Variants in SSBP4 observed in about 807,000 individuals in gnomAD.
The protein encoded by SSBP4 is single stranded DNA binding protein 4, also known as single-stranded DNA-binding protein 4.
In SSBP4, 33 loss-of-function variants were observed where a neutral mutation model predicts 64.6. That is an observed-to-expected ratio of 0.51 (90% confidence interval 0.39 to 0.68). The LOEUF (loss-of-function observed/expected upper bound fraction) is 0.68. Among genes scored for constraint, SSBP4 ranks in the 30% least tolerant of loss-of-function variants. The pLI is 0.00. For missense variants in SSBP4, 583 were observed against 566.8 expected, an observed-to-expected ratio of 1.03 and a Z score of -0.29; for synonymous variants, 243 against 224.0, an observed-to-expected ratio of 1.08 and a Z score of -0.76.
intron 6 of SSBP4, 24 bp downstream of exon 6, chr19:18,431,442 C>T: frequency 7.2e-7 from 1 of 1,384,672 alleles, no homozygotes; most frequent in East Asian, 2.4e-5. Flanking sequence ...GTGCCTGCCC[C>T]TCACACACAC....
exon 1 of SSBP4, chr19:18,419,394 GCGCGTTTCCCGGAACAGCC>G: frequency 9.7e-7 from 1 of 1,032,894 alleles, no homozygotes. Context: ...GGAGGGGAGC[GCGCGTTTCCCGGAACAGCC>G]CGCGCGGAGG....
At chr19:18,413,576 C>T in the SSBP4 span, among the ~76,000 whole-genome samples, 1 of 152,122 alleles carries the variant, frequency 6.6e-6, no homozygotes, top group African/African-American at 2.4e-5. Flanking sequence ...CCCAAGATGG[C>T]ACACTGAGAA....
chr19:18,416,686 C>T (rs1025834236), upstream of SSBP4, among the ~76,000 whole-genome samples: 1 of 152,248 alleles, frequency 6.6e-6, no homozygotes, highest in Non-Finnish European at 1.5e-5. Context: ...CCAGCGCCTT[C>T]GCCGTGTGCC....
upstream of SSBP4, among the ~76,000 whole-genome samples, chr19:18,414,183 T>C (rs1972114157): frequency 6.6e-6 from 1 of 152,166 alleles, no homozygotes; most frequent in African/African-American, 2.4e-5. Context: ...ACCCTCCTCC[T>C]AGACCTGGGA....
chr19:18,413,102 A>AG, the SSBP4 span, among the ~76,000 whole-genome samples: 1 of 138,454 alleles, frequency 7.2e-6, no homozygotes, highest in Non-Finnish European at 1.6e-5. Flanking sequence ...CTCATCTCAG[A>AG]GGGGTCCCAC....
At chr19:18,424,609 T>C (rs1037027313) in intron 1 of SSBP4, among the ~76,000 whole-genome samples, 1 of 58,570 alleles carries the variant, frequency 1.7e-5, no homozygotes, top group African/African-American at 6.6e-5. Flanking sequence ...AACATGGGGG[T>C]GGGGGGAGCA....
chr19:18,414,630 G>A (rs1170143719), upstream of SSBP4, among the ~76,000 whole-genome samples: 1 of 152,216 alleles, frequency 6.6e-6, no homozygotes, highest in African/African-American at 2.4e-5. Flanking sequence ...TCGATGTGTG[G>A]CCGGTGAAAG....
chr19:18,431,912 C>T (rs1013275879), intron 8 of SSBP4, 50 bp downstream of exon 8: 72 of 1,566,006 alleles, frequency 4.6e-5, no homozygotes, highest in Non-Finnish European at 6.0e-5. Flanking sequence ...AGAATTCCAG[C>T]TCTCAGAGCC....
intron 4 of SSBP4, among the ~76,000 whole-genome samples, chr19:18,429,636 C>T (rs552474863): frequency 7.9e-5 from 12 of 151,012 alleles, no homozygotes; most frequent in African/African-American, 1.5e-4. Flanking sequence ...AGGGCAGCTG[C>T]TCCAGGCCAT....
chr19:18,432,343 G>A lies in SSBP4; in HGVS notation c.704+129G>A, dbSNP rs1047027866. ...TATTGTTTATTTCATGGCCACCGTT[G>A]AGGGGAAACTGAGACTTGAAGTAGC... On this transcript the variant is annotated intron_variant, in intron 10 of 17. Transcript: ENST00000270061. The A allele has an allele frequency of 5.9e-6, 8 of 1,355,270 alleles. No homozygotes were observed. The African/African-American group carries it at 1.0e-4, about 17-fold the overall frequency. 84.0% of individuals were successfully genotyped at this position (1,355,270 alleles called of 1,614,324 possible). A position where few individuals can be genotyped will look rare whatever the true frequency, so the allele number is the denominator to read the frequency against.
chr19:18,431,442 C>G, intron 6 of SSBP4, 24 bp downstream of exon 6: 1 of 1,384,672 alleles, frequency 7.2e-7, no homozygotes, highest in Non-Finnish European at 1.0e-6. Context: ...GTGCCTGCCC[C>G]TCACACACAC....
rs1388896184 is a variant in SSBP4, at chr19:18,427,449, C to G, written c.132+26C>G. 6.2e-7 allele frequency: 1 copy of G among 1,605,704 alleles called. No individual in the cohort carries two copies. The highest frequency in any genetic ancestry group is 1.7e-5 in the Admixed American group (1 of 59,812). ...GTAAGCCACCACCTCCAGGCTGGCC[C>G]TCCCTCCTCACCCACACTCCGGGGG... On this transcript the variant is annotated intron_variant, in intron 2 of 17. Coordinates refer to ENST00000270061, the MANE Select transcript of SSBP4 (RefSeq NM_032627.5). This position sits in a 1 kb window ranked among gnomAD's most constrained non-coding sequence, Gnocchi z 4.4.
the SSBP4 span, among the ~76,000 whole-genome samples, chr19:18,409,749 G>A: frequency 6.6e-6 from 1 of 151,898 alleles, no homozygotes; most frequent in African/African-American, 2.4e-5. Context: ...CAAATTGCTG[G>A]CCTCACGTGA....
chr19:18,423,999 G>A lies in SSBP4; in HGVS notation c.60-3352G>A, dbSNP rs1972656842. 6.6e-6 allele frequency among the ~76,000 whole-genome samples: 1 copy of A among 152,220 alleles called. No individual in the cohort carries two copies. The highest frequency in any genetic ancestry group is 2.4e-5 in the African/African-American group (1 of 41,450). On this transcript the variant is annotated intron_variant, in intron 1 of 17. Transcript: ENST00000270061. The surrounding 1 kb of genome is among the most constrained non-coding windows in gnomAD (Gnocchi z 4.0). ...CCCGGAGCAGTCCTCTGGGAGGGGAGGACCTTGTAGGTCCCAAAACTCCCT... is the reference window on the plus strand; with the variant it reads ...CCCGGAGCAGTCCTCTGGGAGGGGAAGACCTTGTAGGTCCCAAAACTCCCT...
the SSBP4 span, among the ~76,000 whole-genome samples, chr19:18,406,521 G>A: frequency 0.3 from 46,129 of 151,512 alleles, 7,260 homozygotes; most frequent in African/African-American, 0.39. Context: ...GGTGGTGTGC[G>A]CCTGTAGTCC....
chr19:18,433,351 CAGG>C (rs1973639356), intron 15 of SSBP4, 138 bp downstream of exon 15: 3 of 1,295,102 alleles, frequency 2.3e-6, no homozygotes, highest in South Asian at 2.7e-5. Flanking sequence ...CGCTCAGTGA[CAGG>C]GGCTGCCCCG....
In SSBP4 at chr19:18,434,547, G is replaced by A; in HGVS notation, c.*301G>A. On this transcript the variant is annotated 3_prime_UTR_variant, in exon 18 of 18. Transcript: ENST00000270061. The stretch of plus-strand genomic sequence containing the variant: ...GGGGCCCATAAATAAATGGAAGCTG[G>A]TTTTGGTTTTTGGTAGCTTGTCTCA... 1.8e-6 allele frequency: 1 copy of A among 544,660 alleles called. No individual in the cohort carries two copies. 33.7% of individuals were successfully genotyped at this position (544,660 alleles called of 1,614,324 possible).
the SSBP4 span, among the ~76,000 whole-genome samples, chr19:18,413,638 G>T: frequency 1.3e-5 from 2 of 152,198 alleles, no homozygotes; most frequent in Admixed American, 6.5e-5. Context: ...GCCCTGCAGG[G>T]GGTGCCCAGG....
upstream of SSBP4, among the ~76,000 whole-genome samples, chr19:18,414,585 T>C (rs1229386296): frequency 2.0e-5 from 3 of 152,132 alleles, no homozygotes; most frequent in Non-Finnish European, 4.4e-5. Context: ...TTAGTATGAC[T>C]CTGGAGTTCA....
Sources: gnomAD v4.1 joint callset for allele counts (sites outside exome capture counted in the v4.1 genomes callset) on GRCh38, gnomAD v4.1.1 for gene constraint, Gnocchi (gnomAD v3.1) non-coding constraint, MANE v1.5 for transcripts, NCBI Gene and HGNC (gene_info 2026-07-23, HGNC 2026-07-21) for gene names.